PIF1: variants seen among roughly 807,000 people sequenced by gnomAD.
PIF1 encodes the protein PIF1 5'-to-3' DNA helicase.
Under a neutral mutation model 62.3 loss-of-function variants are expected in PIF1, and 67 were observed. The ratio of observed to expected loss-of-function variants is 1.08; its 90% CI spans 0.88 to 1.32. The LOEUF (loss-of-function observed/expected upper bound fraction) is 1.32. Among genes scored for constraint, PIF1 ranks in the 40% most tolerant of loss-of-function variants. The pLI is 0.00. For synonymous variants in PIF1, 364 were observed against 379.5 expected (o/e 0.96, Z 0.47); for missense variants, 886 against 866.1 (o/e 1.02, Z -0.29).
chr15:64,817,982 G>A lies in PIF1; in HGVS notation c.1638C>T (p.Leu546=). Residue 546 remains leucine (L), a synonymous_variant, in exon 11 of 13, where the codon CTC becomes CTT. Coordinates refer to ENST00000559239, the MANE Select transcript of PIF1 (RefSeq NM_001286496.2). The stretch of plus-strand genomic sequence containing the variant: ...GGATGGACATCGCCCAGGCCAGCTG[G>A]AGGGGCAGCTGCTGCCGACTGAGGA... ...GQLLSRQQLP[L]QLAWAMSIHK... is the part of the protein sequence containing the mutation. 1.2e-6 allele frequency: 2 copies of A among 1,613,288 alleles called. No individual in the cohort carries two copies. Among genetic ancestry groups the A allele is most frequent in the African/African-American group, 1.3e-5 (1 of 75,034 alleles).
At position 64,824,170 on chromosome 15, in the gene PIF1, G is replaced by A; in HGVS notation, c.166C>T (p.Arg56Trp). 5.3e-6 allele frequency: 7 copies of A among 1,325,476 alleles called. No homozygotes were observed. The highest frequency in any genetic ancestry group is 6.8e-6 in the Non-Finnish European group (7 of 1,035,642). The allele number at this position is 1,325,476 out of a possible 1,614,324, so 82.1% of individuals were successfully genotyped here. ...CCCGCGGGCCCTGGCGCTTGCAGCC[G>A]CAGCATCAACTCGCGGCGCTCGTTG... Reference protein sequence around the residue: ...GRNERRELMLRLQAPGPAGRP... With the variant: ...GRNERRELMLWLQAPGPAGRP... Residue 56 changes from arginine to tryptophan, a missense_variant, in exon 2 of 13, where the codon CGG (arginine) becomes TGG (tryptophan). By Grantham distance (101) the Arg-to-Trp change is moderately radical. Coordinates refer to ENST00000559239, the MANE Select transcript of PIF1 (RefSeq NM_001286496.2).
At position 64,819,771 on chromosome 15, in the gene PIF1, G is replaced by A. The variant is rs201281485; in HGVS notation, c.1333+76C>T. ...GAGGTTGGGGGCCTAGGACCCAGAGGCCCAGGTTGCCTGGGGGCTACATCT... is the reference window on the plus strand; with the variant it reads ...GAGGTTGGGGGCCTAGGACCCAGAGACCCAGGTTGCCTGGGGGCTACATCT... On this transcript the variant is annotated intron_variant, in intron 8 of 12. Transcript: ENST00000559239. 119 of 1,590,080 alleles carry A rather than the reference G, an allele frequency of 7.5e-5. No individual in the cohort carries two copies. The East Asian group carries it at 2.6e-3, about 35-fold the overall frequency.
Position 64,816,148 on chromosome 15 carries a change from TA to T in PIF1, c.*149del. 2 of 1,490,534 alleles carry T rather than the reference TA, an allele frequency of 1.3e-6. No homozygotes were observed. Among genetic ancestry groups the T allele is most frequent in the Non-Finnish European group, 8.9e-7 (1 of 1,125,424 alleles). The allele number at this position is 1,490,534 out of a possible 1,614,324, so 92.3% of individuals were successfully genotyped here. ...ATATGGGTTTAAAGTACTCTCCCTT[TA>T]ACCCTGCCAGGAGGCTGAGAGTCCC... On this transcript the variant is annotated 3_prime_UTR_variant, in exon 13 of 13. Transcript: ENST00000559239.
At chr15:64,818,112 T>C in intron 10 of PIF1, 21 bp from the exon 11 acceptor site, 1 of 1,613,142 alleles carries the variant, frequency 6.2e-7, no homozygotes, top group Non-Finnish European at 8.5e-7. Context: ...CATGGAGCAG[T>C]CCAACTTTAG....
Position 64,815,814 on chromosome 15 carries a change from C to G in PIF1, c.*484G>C. Reference sequence around the variant, plus strand: ...TTGTTCTGGGCTGGGCTAGGCTGGGCCTAGCTGTAGAGACACACCTAAGTT... The same window carrying G: ...TTGTTCTGGGCTGGGCTAGGCTGGGGCTAGCTGTAGAGACACACCTAAGTT... On this transcript the variant is annotated 3_prime_UTR_variant, in exon 13 of 13. Transcript: ENST00000559239. 6.4e-7 allele frequency: 1 copy of G among 1,550,614 alleles called. No homozygotes were observed. Among genetic ancestry groups the G allele is most frequent in the East Asian group, 2.4e-5 (1 of 40,934 alleles).
chr15:64,821,425 T>A lies in PIF1; in HGVS notation c.913A>T (p.Ile305Phe), dbSNP rs373677848. Residue 305 changes from isoleucine to phenylalanine, a missense_variant, in exon 5 of 13, where the codon ATT becomes TTT. Ile to Phe is a conservative substitution (Grantham distance 21). Coordinates refer to ENST00000559239, the MANE Select transcript of PIF1 (RefSeq NM_001286496.2). The part of the protein sequence containing the change: ...QGWLNCQRLV[I>F]DEISMVEADL... Reference sequence around the variant, plus strand: ...GCCTCCACCATTGAGATCTCGTCAATGACCAACCGCTGGCAGTTCAGCCAG... The same window carrying A: ...GCCTCCACCATTGAGATCTCGTCAAAGACCAACCGCTGGCAGTTCAGCCAG... The A allele has an allele frequency of 6.2e-6, 10 of 1,614,058 alleles. No homozygotes were observed. The Admixed American group carries it at 1.5e-4, about 24-fold the overall frequency.
intron 9 of PIF1, 73 bp from the exon 10 acceptor site, chr15:64,818,417 T>C (rs1270628499): frequency 4.9e-6 from 7 of 1,439,670 alleles, no homozygotes. Context: ...ATGGCTGTTC[T>C]CAGAGGCTGA....
intron 4 of PIF1, 44 bp from the exon 5 acceptor site, chr15:64,821,564 TC>T: frequency 1.0e-5 from 10 of 1,002,526 alleles, no homozygotes; most frequent in African/African-American, 6.0e-5. Flanking sequence ...CCAAAGCCTC[TC>T]TTTTTTTTTT....
intron 11 of PIF1, 95 bp from the exon 12 acceptor site, chr15:64,816,860 A>G: frequency 8.4e-7 from 1 of 1,189,860 alleles, no homozygotes; most frequent in Non-Finnish European, 1.2e-6. Context: ...CTGCCCCTGG[A>G]TCTCCTCGTC....
chr15:64,816,776 C>T lies in PIF1; in HGVS notation c.1675-11G>A, dbSNP rs1227283500. 3 of 1,571,492 alleles carry T rather than the reference C, an allele frequency of 1.9e-6. No homozygotes were observed. The African/African-American group carries it at 4.1e-5, about 21-fold the overall frequency. Reference sequence around the variant, plus strand: ...ATCCAGGGTCATGCCCTGGGGGATGCAGGGACAGAGATGGAGTCAGCTCAG... The same window carrying T: ...ATCCAGGGTCATGCCCTGGGGGATGTAGGGACAGAGATGGAGTCAGCTCAG... On this transcript the variant is annotated splice_polypyrimidine_tract_variant and intron_variant, in intron 11 of 12. Transcript: ENST00000559239.
Position 64,819,270 on chromosome 15 carries a change from G to C in PIF1, c.1334-47C>G, listed in dbSNP as rs370803945. On this transcript the variant is annotated intron_variant, in intron 8 of 12. Coordinates refer to ENST00000559239, the MANE Select transcript of PIF1 (RefSeq NM_001286496.2). ...AACAGATCACAAATCACTGACTTGT[G>C]ACTCAGCATCCCAAAAAAGACTTTT... The C allele has an allele frequency of 5.4e-5, 69 of 1,285,080 alleles. No homozygotes were observed. In the Middle Eastern group the frequency reaches 1.7e-3, roughly 31 times the overall value. The allele number at this position is 1,285,080 out of a possible 1,614,324, so 79.6% of individuals were successfully genotyped here.
Position 64,824,003 on chromosome 15 carries a change from G to C in PIF1, c.333C>G (p.Asp111Glu). The C allele has an allele frequency of 1.5e-6, 2 of 1,298,894 alleles. No homozygotes were observed. The highest frequency in any genetic ancestry group is 1.5e-5 in the African/African-American group (1 of 65,016). 80.5% of individuals were successfully genotyped at this position (1,298,894 alleles called of 1,614,324 possible). The change falls in exon 2 of 13, where the codon GAC becomes GAG. Residue 111 changes from aspartate (D) to glutamate (E), a missense_variant. Physicochemically the swap from Asp to Glu is conservative, Grantham distance 45. Coordinates refer to ENST00000559239, the MANE Select transcript of PIF1 (RefSeq NM_001286496.2). ...ATGTGCGCAGGAAGCGGCGCAGGCG[G>C]TCTGGGGGGCAGTCCGAGAGCAGCA... ...VQLLLSDCPP[D>E]RLRRFLRTLR... is the part of the protein sequence containing the mutation.
At position 64,816,585 on chromosome 15, in the gene PIF1, T is replaced by G. The variant is rs571253323; in HGVS notation, c.1855A>C (p.Ser619Arg). ...HFYATLRRGR[S>R]LSLESPDDDE... The stretch of plus-strand genomic sequence containing the variant: ...TGACTCCCTCTTACCAGACTGAGGC[T>G]CCTGCCCCGCCGCAGGGTGGCATAG... The change falls in exon 12 of 13, where the codon AGC becomes CGC. Residue 619 changes from serine (S) to arginine (R), a missense_variant. Ser to Arg is a moderately radical substitution (Grantham distance 110). Coordinates refer to ENST00000559239, the MANE Select transcript of PIF1 (RefSeq NM_001286496.2). The G allele has an allele frequency of 8.1e-6, 13 of 1,613,400 alleles. No individual in the cohort carries two copies. In the East Asian group the frequency reaches 2.7e-4, roughly 33 times the overall value.
At chr15:64,819,775 A>G (rs2141108887) in intron 8 of PIF1, 72 bp downstream of exon 8, 1 of 1,595,710 alleles carries the variant, frequency 6.3e-7, no homozygotes, top group African/African-American at 1.3e-5. Context: ...CCAGAGGCCC[A>G]GGTTGCCTGG....
In PIF1 at chr15:64,822,591, A is replaced by T; in HGVS notation, c.578T>A (p.Leu193Gln). 1 of 1,614,038 alleles carries T rather than the reference A, an allele frequency of 6.2e-7. No individual in the cohort carries two copies. Among genetic ancestry groups the T allele is most frequent in the Non-Finnish European group, 8.5e-7 (1 of 1,180,030 alleles). Residue 193 changes from leucine (L) to glutamine (Q), a missense_variant, in exon 3 of 13, where the codon CTG becomes CAG. Coordinates refer to ENST00000559239, the MANE Select transcript of PIF1 (RefSeq NM_001286496.2). The part of the protein sequence containing the change: ...EPSTEAPRWP[L>Q]PVKRLSLPST... ...GGGCAAGCTCAGCCTCTTCACAGGC[A>T]GGGGCCACCTTGGGGCTTCCTGGGG...
rs762672564 is a variant in PIF1, at chr15:64,818,070, A to T, written c.1550T>A (p.Leu517Gln). The T allele has an allele frequency of 9.3e-6, 15 of 1,613,880 alleles. No individual in the cohort carries two copies. The highest frequency in any genetic ancestry group is 1.7e-5 in the Admixed American group (1 of 59,968). The part of the protein sequence containing the change: ...EGRGLPQVRF[L>Q]CGVTEVIHAD... ...GTGGATGACCTCAGTGACTCCACAC[A>T]GGAACCGCACCTGGGGTAGCCCTAA... The change falls in exon 11 of 13, where the codon CTG becomes CAG. Residue 517 changes from leucine to glutamine, a missense_variant. Transcript: ENST00000559239.
In PIF1 at chr15:64,819,872, G is replaced by T. The variant is rs752487060; in HGVS notation, c.1308C>A (p.Asn436Lys). The T allele has an allele frequency of 3.7e-6, 6 of 1,613,798 alleles. No homozygotes were observed. The highest frequency in any genetic ancestry group is 4.2e-6 in the Non-Finnish European group (5 of 1,180,048). The change falls in exon 8 of 13, where the codon AAC (asparagine) becomes AAA (lysine). Residue 436 changes from asparagine (N) to lysine (K), a missense_variant. Transcript: ENST00000559239. ...CTGGCAGCTCCTGAAGCCGCCTCTC[G>T]TTGGTGAGGGCCACATCATCCTGGT... Reference protein sequence around the residue: ...CTHQDDVALTNERRLQELPGK... With the variant: ...CTHQDDVALTKERRLQELPGK...
Position 64,823,833 on chromosome 15 carries a change from TC to T in PIF1, c.502del (p.Asp168ThrfsTer5). ...RRLRAATRVP[D>X]TTLVKRPVEP... ...CACAGGCCGCTTCACCAGCGTAGTG[TC>T]CGGAACCCGGGTGGCCGCCCTGAGC... On this transcript the variant is annotated frameshift_variant, in exon 2 of 13. Transcript: ENST00000559239. LOFTEE classifies it high-confidence loss of function. 1 of 1,374,476 alleles carries T rather than the reference TC, an allele frequency of 7.3e-7. No individual in the cohort carries two copies. The highest frequency in any genetic ancestry group is 9.5e-7 in the Non-Finnish European group (1 of 1,053,588). 85.1% of individuals were successfully genotyped at this position (1,374,476 alleles called of 1,614,324 possible).
rs1432331492 is a variant in PIF1, at chr15:64,823,807, C to G, written c.529G>C (p.Glu177Gln). Residue 177 changes from glutamate (E) to glutamine (Q), a missense_variant, in exon 2 of 13, where the codon GAG becomes CAG. By Grantham distance (29) the Glu-to-Gln change is conservative. Coordinates refer to ENST00000559239, the MANE Select transcript of PIF1 (RefSeq NM_001286496.2). Reference sequence around the variant, plus strand: ...CTAGGCTCGGCCCCAGCCTGGGGCTCCACAGGCCGCTTCACCAGCGTAGTG... The same window carrying G: ...CTAGGCTCGGCCCCAGCCTGGGGCTGCACAGGCCGCTTCACCAGCGTAGTG... ...PDTTLVKRPV[E>Q]PQAGAEPSTE... 1 of 1,350,190 alleles carries G rather than the reference C, an allele frequency of 7.4e-7. No individual in the cohort carries two copies. The highest frequency in any genetic ancestry group is 9.6e-7 in the Non-Finnish European group (1 of 1,041,488). 83.6% of individuals were successfully genotyped at this position (1,350,190 alleles called of 1,614,324 possible). A position where few individuals can be genotyped will look rare whatever the true frequency, so the allele number is the denominator to read the frequency against.
Sources: gnomAD v4.1 joint callset for allele counts on GRCh38, gnomAD v4.1.1 for gene constraint, MANE v1.5 for transcripts, NCBI Gene and HGNC (gene_info 2026-07-23, HGNC 2026-07-21) for gene names.